The following FAM83F variants were observed in gnomAD, a reference collection of about 807,000 sequenced individuals.
FAM83F encodes scaffolding CK1 anchoring protein F, also known as protein FAM83F.
In FAM83F, 45 loss-of-function variants were observed where a neutral mutation model predicts 42.9. The observed-to-expected ratio is 1.05, with a 90% CI of 0.83 to 1.35. The LOEUF is 1.35. Ranked by LOEUF, FAM83F falls within the 40% of genes most tolerant of loss-of-function variation. FAM83F has a pLI of 0.00. For missense variants in FAM83F, 617 were observed against 695.9 expected (o/e 0.89, Z 1.28); for synonymous variants, 306 against 298.3 (o/e 1.03, Z -0.27).
At chr22:40,015,917 T>G (rs910932114) in intron 1 of FAM83F, among the ~76,000 whole-genome samples, 1 of 152,224 alleles carries the variant, frequency 6.6e-6, no homozygotes, top group African/African-American at 2.4e-5. Context: ...TCTCTCTGCC[T>G]GTGGGGCTCA....
In FAM83F at chr22:39,995,316, A is replaced by AAGGCCC. The variant is rs757799046; in HGVS notation, c.275_280dup (p.Ala93_Pro94insGlnAla). 23 of 1,538,312 alleles carry AAGGCCC rather than the reference A, an allele frequency of 1.5e-5. No homozygotes were observed. In the Admixed American group the frequency reaches 1.6e-4, roughly 11 times the overall value. ...CCGGGGCAAGAGCAAGGCCAAGGCCAAGGCCCCCGCGCCGGCGCCGGCTGA... is the reference window on the plus strand; with the variant it reads ...CCGGGGCAAGAGCAAGGCCAAGGCCAAGGCCCAGGCCCCCGCGCCGGCGCCGGCTGA... On this transcript the variant is annotated inframe_insertion, in exon 1 of 5. Transcript: ENST00000333407. The surrounding 1 kb of genome is among the most constrained non-coding windows in gnomAD (Gnocchi z 4.6).
chr22:40,029,857 C>A lies in FAM83F; in HGVS notation c.*292C>A, dbSNP rs1377943869. 5 of 363,432 alleles carry A rather than the reference C, an allele frequency of 1.4e-5. No homozygotes were observed. The highest frequency in any genetic ancestry group is 2.5e-5 in the Non-Finnish European group (5 of 196,414). 22.5% of individuals were successfully genotyped at this position (363,432 alleles called of 1,614,324 possible). Reference sequence around the variant, plus strand: ...GTGTCTGCTCGCCTTTGTGCCCCACCCCCTCCGCTGATTGCCAGATGGGGT... The same window carrying A: ...GTGTCTGCTCGCCTTTGTGCCCCACACCCTCCGCTGATTGCCAGATGGGGT... On this transcript the variant is annotated 3_prime_UTR_variant, in exon 5 of 5. Transcript: ENST00000333407.
intron 1 of FAM83F, among the ~76,000 whole-genome samples, chr22:40,016,749 C>T (rs928013337): frequency 2.0e-5 from 3 of 151,370 alleles, no homozygotes; most frequent in Non-Finnish European, 2.9e-5. Context: ...CTGCAACTTC[C>T]GCCTTCCTGG....
At chr22:40,020,831 A>C (rs2067515785) in intron 3 of FAM83F, among the ~76,000 whole-genome samples, 1 of 152,192 alleles carries the variant, frequency 6.6e-6, no homozygotes, top group African/African-American at 2.4e-5. Context: ...TGCAGACACT[A>C]AGTGCTTAAA....
At chr22:40,022,544 T>C (rs901020340) in intron 4 of FAM83F, among the ~76,000 whole-genome samples, 2 of 152,292 alleles carry the variant, frequency 1.3e-5, no homozygotes, top group East Asian at 3.9e-4. Flanking sequence ...ACTTGGTTTC[T>C]CCACGTCCCT....
intron 1 of FAM83F, among the ~76,000 whole-genome samples, chr22:40,007,222 C>T (rs1435998191): frequency 7.1e-6 from 1 of 141,838 alleles, no homozygotes; most frequent in Non-Finnish European, 1.5e-5. Flanking sequence ...GCAGCCTCCT[C>T]TCCTCTCCTC....
At chr22:40,015,905 C>T (rs1224101666) in intron 1 of FAM83F, among the ~76,000 whole-genome samples, 1 of 152,168 alleles carries the variant, frequency 6.6e-6, no homozygotes, top group Non-Finnish European at 1.5e-5. Flanking sequence ...GTCTTTAGGT[C>T]CTCTCTCTGC....
chr22:40,007,970 G>A (rs1890772355), intron 1 of FAM83F, among the ~76,000 whole-genome samples: 1 of 152,164 alleles, frequency 6.6e-6, no homozygotes, highest in Non-Finnish European at 1.5e-5. Flanking sequence ...AGTTGCACTG[G>A]TTCCCCGCAG....
chr22:40,001,222 A>G (rs912503944), intron 1 of FAM83F, among the ~76,000 whole-genome samples: 1 of 152,202 alleles, frequency 6.6e-6, no homozygotes. Flanking sequence ...TCTGAAGTTG[A>G]AAGGTCTTGA....
At chr22:39,997,637 G>A (rs1373007747) in intron 1 of FAM83F, among the ~76,000 whole-genome samples, 6 of 152,170 alleles carry the variant, frequency 3.9e-5, no homozygotes, top group Admixed American at 1.3e-4. Flanking sequence ...ATTGGAAAGG[G>A]AGAGGGTCAA....
chr22:40,014,677 C>G (rs1209751858), intron 1 of FAM83F, among the ~76,000 whole-genome samples: 1 of 152,080 alleles, frequency 6.6e-6, no homozygotes, highest in African/African-American at 2.4e-5. Flanking sequence ...TTTACATCTC[C>G]TCCTTTTTTG....
At chr22:40,025,013 C>T (rs2067543735) in intron 4 of FAM83F, among the ~76,000 whole-genome samples, 1 of 152,152 alleles carries the variant, frequency 6.6e-6, no homozygotes, top group African/African-American at 2.4e-5. Flanking sequence ...TCCGCCCTCG[C>T]CTCCTGCTGG....
At position 40,041,481 on chromosome 22, in the gene FAM83F, T is replaced by C. The variant is rs1377649644; in HGVS notation, c.*11916T>C. On this transcript the variant is annotated 3_prime_UTR_variant, in exon 5 of 5. Transcript: ENST00000333407. Reference sequence around the variant, plus strand: ...AGACGCCCTCACCCCAATCATTGGCTTAACATTCACACCAGGCTGAGTAAG... The same window carrying C: ...AGACGCCCTCACCCCAATCATTGGCCTAACATTCACACCAGGCTGAGTAAG... 6.6e-6 allele frequency: 1 copy of C among 152,212 alleles called. No individual in the cohort carries two copies. The highest frequency in any genetic ancestry group is 1.5e-5 in the Non-Finnish European group (1 of 68,054). The allele number at this position is 152,212 out of a possible 1,614,324, so 9.4% of individuals were successfully genotyped here.
chr22:39,995,492 C>T lies in FAM83F; in HGVS notation c.450C>T (p.Leu150=), dbSNP rs1378888779. The T allele has an allele frequency of 6.3e-7, 1 of 1,578,924 alleles. No individual in the cohort carries two copies. The highest frequency in any genetic ancestry group is 2.3e-5 in the East Asian group (1 of 42,796). Residue 150 remains leucine (L), a synonymous_variant, in exon 1 of 5, where the codon CTC becomes CTT. Transcript: ENST00000333407. The surrounding 1 kb of genome is among the most constrained non-coding windows in gnomAD (Gnocchi z 4.6). ...CCAAGGACGAGAAGGCGCCGCACCT[C>T]AAGCAGGTGGTCAGGCAGATGATCC... ...HPPKDEKAPH[L]KQVVRQMIQQ... is the part of the protein sequence containing the mutation.
intron 2 of FAM83F, 81 bp from the exon 3 acceptor site, chr22:40,019,806 G>T: frequency 1.3e-6 from 2 of 1,517,836 alleles, no homozygotes; most frequent in African/African-American, 2.8e-5. Context: ...TACACAAGGG[G>T]GCTCTTCCTC....
chr22:39,995,240 C>T lies in FAM83F; in HGVS notation c.198C>T (p.Ala66=), dbSNP rs1303283427. The change falls in exon 1 of 5, where the codon GCC becomes GCT. Residue 66 remains alanine, a synonymous_variant. Coordinates refer to ENST00000333407, the MANE Select transcript of FAM83F (RefSeq NM_138435.4). This position sits in a 1 kb window ranked among gnomAD's most constrained non-coding sequence, Gnocchi z 4.6. The stretch of plus-strand genomic sequence containing the variant: ...TCCTCTCCAGCCCGGAGCGCCAGGC[C>T]CTGCGGGCCGCCTGGAGCCCCTACG... The part of the protein sequence containing the change: ...RDFLSSPERQ[A]LRAAWSPYED... The T allele has an allele frequency of 6.5e-7, 1 of 1,534,288 alleles. No individual in the cohort carries two copies. The highest frequency in any genetic ancestry group is 8.7e-7 in the Non-Finnish European group (1 of 1,145,724).
At chr22:40,003,109 T>C (rs2067410401) in intron 1 of FAM83F, among the ~76,000 whole-genome samples, 2 of 152,176 alleles carry the variant, frequency 1.3e-5, no homozygotes, top group Non-Finnish European at 2.9e-5. Flanking sequence ...GGGAGGCTCT[T>C]GGACCAGTTC....
In FAM83F at chr22:40,037,579, C is replaced by T. The variant is rs2067632334; in HGVS notation, c.*8014C>T. ...GTTCTGTCAAGAGGAATTCACTAGT[C>T]TCACTCCTCCAACCAGACCGCTGCC... On this transcript the variant is annotated 3_prime_UTR_variant, in exon 5 of 5. Transcript: ENST00000333407. The T allele has an allele frequency of 1.3e-5, 2 of 152,234 alleles. No individual in the cohort carries two copies. The highest frequency in any genetic ancestry group is 2.4e-5 in the African/African-American group (1 of 41,436). 9.4% of individuals were successfully genotyped at this position (152,234 alleles called of 1,614,324 possible).
At chr22:40,000,221 GAGA>G (rs1431597113) in intron 1 of FAM83F, among the ~76,000 whole-genome samples, 1 of 152,226 alleles carries the variant, frequency 6.6e-6, no homozygotes, top group Non-Finnish European at 1.5e-5. Flanking sequence ...TGGCAGCAGA[GAGA>G]AGAATGCTCT....
Sources: allele counts gnomAD v4.1 joint callset (sites outside exome capture counted in the v4.1 genomes callset), GRCh38; gene constraint gnomAD v4.1.1; non-coding constraint Gnocchi (gnomAD v3.1); transcripts MANE v1.5; gene names NCBI Gene and HGNC (gene_info 2026-07-23, HGNC 2026-07-21).